SELPLG: variants seen among roughly 807,000 people sequenced by gnomAD.
SELPLG encodes selectin P ligand, also known as P-selectin glycoprotein ligand 1.
In SELPLG, 2 loss-of-function variants were observed where a neutral mutation model predicts 1.1. That is an observed-to-expected ratio of 1.82 (90% CI 0.74 to 5.71). The LOEUF is 5.71. SELPLG is among the 30% of genes most tolerant of loss of function. The probability of loss-of-function intolerance (pLI) is 0.05; values close to 1 mark genes in which losing one functional copy is unlikely to be tolerated. For missense variants in SELPLG, 478 were observed against 524.7 expected, an observed-to-expected ratio of 0.91 and a Z score of 0.87; for synonymous variants, 230 against 221.2, an observed-to-expected ratio of 1.04 and a Z score of -0.35.
Position 108,623,359 on chromosome 12 carries a change from C to T in SELPLG, c.949G>A (p.Val317Met), listed in dbSNP as rs1467685940. The change falls in exon 2 of 2, where the codon GTG (valine) becomes ATG (methionine). Residue 317 changes from valine to methionine, a missense_variant. Physicochemically the swap from Val to Met is conservative, Grantham distance 21. Transcript: ENST00000550948. ...AGGATGGCCAGCAGGCACTGCTTCACAGAGATGTGGTCTGGGGCCCCCACT... is the reference window on the plus strand; with the variant it reads ...AGGATGGCCAGCAGGCACTGCTTCATAGAGATGTGGTCTGGGGCCCCCACT... ...YPVGAPDHISVKQCLLAILIL... is the reference protein window; with the variant it reads ...YPVGAPDHISMKQCLLAILIL... 10 of 1,614,154 alleles carry T rather than the reference C, an allele frequency of 6.2e-6. No homozygotes were observed. Among genetic ancestry groups the T allele is most frequent in the Non-Finnish European group, 8.5e-6 (10 of 1,180,060 alleles).
rs149712683 is a variant in SELPLG, at chr12:108,632,457, C to G, written c.-6+1283G>C. On this transcript the variant is annotated intron_variant, in intron 1 of 1. Transcript: ENST00000550948. ...GTGTGTACAGCAGGGCACAACTGGC[C>G]CCCACCATTTCCTTTTAGTGTCCTG... Among the ~76,000 whole-genome samples, 334 of 151,584 alleles carry G rather than the reference C, an allele frequency of 2.2e-3. 3 individuals carry two copies. The highest frequency in any genetic ancestry group is 7.5e-3 in the African/African-American group (311 of 41,238).
At chr12:108,625,505 C>T (rs988472282) in intron 1 of SELPLG, among the ~76,000 whole-genome samples, 30 of 152,328 alleles carry the variant, frequency 2.0e-4, no homozygotes, top group African/African-American at 7.2e-4. Context: ...TCAACCTGCA[C>T]TATAAGTCTT....
chr12:108,628,993 C>T (rs931196812), intron 1 of SELPLG, among the ~76,000 whole-genome samples: 16 of 152,288 alleles, frequency 1.1e-4, no homozygotes, highest in African/African-American at 3.4e-4. Context: ...AGTTCCCAGA[C>T]GCTGGCTTCC....
At chr12:108,624,994 C>T (rs1338262898) in intron 1 of SELPLG, among the ~76,000 whole-genome samples, 1 of 152,160 alleles carries the variant, frequency 6.6e-6, no homozygotes, top group Non-Finnish European at 1.5e-5. Context: ...GACCTCATGT[C>T]ACTCCTTCTT....
chr12:108,628,518 T>C (rs968662372), intron 1 of SELPLG, among the ~76,000 whole-genome samples: 1 of 152,204 alleles, frequency 6.6e-6, no homozygotes, highest in Non-Finnish European at 1.5e-5. Context: ...TTCATACTTA[T>C]GAGCACACTC....
At chr12:108,629,031 C>G (rs753643448) in intron 1 of SELPLG, among the ~76,000 whole-genome samples, 50 of 152,342 alleles carry the variant, frequency 3.3e-4, no homozygotes, top group African/African-American at 1.1e-3. Flanking sequence ...CTGGAGGACT[C>G]TCTTCGGCGC....
In SELPLG at chr12:108,623,283, G is replaced by A. The variant is rs762479893; in HGVS notation, c.1025C>T (p.Ala342Val). Residue 342 changes from alanine to valine, a missense_variant, in exon 2 of 2, where the codon GCG becomes GTG. Coordinates refer to ENST00000550948, the MANE Select transcript of SELPLG (RefSeq NM_003006.4). ...TIFFVCTVVL[A>V]VRLSRKGHMY... ...GTGGCCCTTGCGGGAGAGGCGGACC[G>A]CCAGCACCACAGTGCACACGAAGAA... The A allele has an allele frequency of 2.8e-5, 45 of 1,613,950 alleles. No individual in the cohort carries two copies. Among genetic ancestry groups the A allele is most frequent in the Middle Eastern group, 1.6e-4 (1 of 6,082 alleles).
chr12:108,628,994 G>A (rs553428883), intron 1 of SELPLG, among the ~76,000 whole-genome samples: 27 of 152,286 alleles, frequency 1.8e-4, no homozygotes, highest in African/African-American at 6.3e-4. Context: ...GTTCCCAGAC[G>A]CTGGCTTCCA....
In SELPLG at chr12:108,623,943, T is replaced by C. The variant is rs2031883540; in HGVS notation, c.365A>G (p.Gln122Arg). 1 of 1,614,122 alleles carries C rather than the reference T, an allele frequency of 6.2e-7. No individual in the cohort carries two copies. The highest frequency in any genetic ancestry group is 8.5e-7 in the Non-Finnish European group (1 of 1,180,014). ...CTCCGTGGCTGCTGGTTGAGTGGTCTGTATCTCCATAGCTGCTGAATCCGT... is the reference window on the plus strand; with the variant it reads ...CTCCGTGGCTGCTGGTTGAGTGGTCCGTATCTCCATAGCTGCTGAATCCGT... Reference protein sequence around the residue: ...LSTDSAAMEIQTTQPAATEAQ... With the variant: ...LSTDSAAMEIRTTQPAATEAQ... Residue 122 changes from glutamine to arginine, a missense_variant, in exon 2 of 2, where the codon CAG becomes CGG. Gln to Arg is a conservative substitution (Grantham distance 43). Transcript: ENST00000550948.
intron 1 of SELPLG, chr12:108,631,872 T>C (rs1407923664): frequency 6.5e-7 from 1 of 1,535,220 alleles, no homozygotes; most frequent in Non-Finnish European, 8.7e-7. Flanking sequence ...CCATCTTATC[T>C]CCTTCTAGAC....
chr12:108,629,943 T>A (rs568281227), intron 1 of SELPLG, among the ~76,000 whole-genome samples: 2 of 152,224 alleles, frequency 1.3e-5, no homozygotes, highest in Non-Finnish European at 2.9e-5. Context: ...CACTATCTGG[T>A]GACCTCATTC....
At chr12:108,631,846 AAC>A (rs1244410678) in intron 1 of SELPLG, 127 of 1,503,016 alleles carry the variant, frequency 8.4e-5, no homozygotes, top group Non-Finnish European at 1.1e-4. Flanking sequence ...ACAGACCCCC[AAC>A]ACACACACAC....
chr12:108,624,980 G>A (rs117261816), intron 1 of SELPLG, among the ~76,000 whole-genome samples: 11 of 151,790 alleles, frequency 7.2e-5, no homozygotes, highest in East Asian at 1.9e-4. Context: ...GAGCCACTGC[G>A]CCCGACCTCA....
intron 1 of SELPLG, chr12:108,628,615 AAAGTTGC>A: frequency 6.6e-6 from 1 of 152,410 alleles, no homozygotes; most frequent in South Asian, 2.1e-4. Flanking sequence ...AGGTGGGGGC[AAAGTTGC>A]AAGGCCTGGT....
At chr12:108,633,428 G>T (rs1385378208) in intron 1 of SELPLG, among the ~76,000 whole-genome samples, 1 of 152,190 alleles carries the variant, frequency 6.6e-6, no homozygotes, top group African/African-American at 2.4e-5. Flanking sequence ...TTGTGCCCAG[G>T]AGTTTAAGGC....
At chr12:108,630,076 A>ACG (rs1283454144) in intron 1 of SELPLG, among the ~76,000 whole-genome samples, 4 of 152,248 alleles carry the variant, frequency 2.6e-5, no homozygotes, top group Non-Finnish European at 5.9e-5. Context: ...GAAGGCCAAA[A>ACG]AACAGTCCCA....
In SELPLG at chr12:108,623,232, G is replaced by GT. The variant is rs1189288548; in HGVS notation, c.1075_1076insA (p.Pro359HisfsTer13). 6.2e-7 allele frequency: 1 copy of GT among 1,613,754 alleles called. No homozygotes were observed. Among genetic ancestry groups the GT allele is most frequent in the South Asian group, 1.1e-5 (1 of 91,042 alleles). On this transcript the variant is annotated frameshift_variant, in exon 2 of 2. Transcript: ENST00000550948. LOFTEE classifies it high-confidence loss of function. ...GGATGAGATGCAGACCATCTCGGTGGGGGAGTAATTACGCACGGGGTACAT... is the reference window on the plus strand; with the variant it reads ...GGATGAGATGCAGACCATCTCGGTGGTGGGAGTAATTACGCACGGGGTACAT...
chr12:108,623,427 T>C lies in SELPLG; in HGVS notation c.881A>G (p.Lys294Arg), dbSNP rs767171781. 1.2e-6 allele frequency: 2 copies of C among 1,614,246 alleles called. No individual in the cohort carries two copies. Among genetic ancestry groups the C allele is most frequent in the Admixed American group, 3.3e-5 (2 of 60,028 alleles). The change falls in exon 2 of 2, where the codon AAG (lysine) becomes AGG (arginine). Residue 294 changes from lysine to arginine, a missense_variant. Lys to Arg is a conservative substitution (Grantham distance 26). Coordinates refer to ENST00000550948, the MANE Select transcript of SELPLG (RefSeq NM_003006.4). ...IPFSVSSVTH[K>R]GIPMAASNLS... ...ATTGCTGGCTGCCATGGGAATGCCCTTGTGAGTAACAGAGGACACAGAAAA... is the reference window on the plus strand; with the variant it reads ...ATTGCTGGCTGCCATGGGAATGCCCCTGTGAGTAACAGAGGACACAGAAAA...
rs2136760685 is a variant in SELPLG, at chr12:108,623,558, C to T, written c.750G>A (p.Glu250=). Residue 250 remains glutamate, a synonymous_variant, in exon 2 of 2, where the codon GAG becomes GAA. Coordinates refer to ENST00000550948, the MANE Select transcript of SELPLG (RefSeq NM_003006.4). ...TGGCTGCCAGTGGAGTGGTCTGTGCCTCCGTGGCTGTGGGTTGAGTGGTCT... is the reference window on the plus strand; with the variant it reads ...TGGCTGCCAGTGGAGTGGTCTGTGCTTCCGTGGCTGTGGGTTGAGTGGTCT... ...EAQTTQPTAT[E]AQTTPLAAME... is the part of the protein sequence containing the mutation. 1.2e-6 allele frequency: 2 copies of T among 1,613,940 alleles called. No homozygotes were observed. Among genetic ancestry groups the T allele is most frequent in the East Asian group, 2.2e-5 (1 of 44,884 alleles).
Sources: allele counts gnomAD v4.1 joint callset (sites outside exome capture counted in the v4.1 genomes callset), GRCh38; gene constraint gnomAD v4.1.1; transcripts MANE v1.5; gene names NCBI Gene and HGNC (gene_info 2026-07-23, HGNC 2026-07-21).